Variants in PRELID2 observed in about 807,000 individuals in gnomAD.
The protein encoded by PRELID2 is PRELI domain containing 2, also known as PRELI domain-containing protein 2.
Under a neutral mutation model 28.4 loss-of-function variants are expected in PRELID2, and 25 were observed. That is an observed-to-expected ratio of 0.88 (90% confidence interval 0.64 to 1.23). The LOEUF is 1.23. Ranked by LOEUF, PRELID2 falls within the 50% of genes most tolerant of loss-of-function variation. PRELID2 has a pLI of 0.00. For synonymous variants in PRELID2, 76 were observed against 71.6 expected, an observed-to-expected ratio of 1.06 and a Z score of -0.31; for missense variants, 201 against 214.4, an observed-to-expected ratio of 0.94 and a Z score of 0.39.
intron 1 of PRELID2, among the ~76,000 whole-genome samples, chr5:145,702,228 AT>A: frequency 6.6e-6 from 1 of 152,194 alleles, no homozygotes; most frequent in African/African-American, 2.4e-5. Context: ...GAGCTAGCAA[AT>A]TTATGATCAT....
chr5:145,331,095 T>C, the PRELID2 span, among the ~76,000 whole-genome samples: 2 of 152,354 alleles, frequency 1.3e-5, no homozygotes, highest in South Asian at 2.1e-4. Context: ...TAAATGACTT[T>C]CTTAATCCTG....
chr5:145,713,095 T>C (rs1755739942), intron 1 of PRELID2, among the ~76,000 whole-genome samples: 1 of 151,480 alleles, frequency 6.6e-6, no homozygotes, highest in Non-Finnish European at 1.5e-5. Context: ...TAACTGGAGT[T>C]CCAGACAGAG....
chr5:145,370,781 C>G, the PRELID2 span, among the ~76,000 whole-genome samples: 1 of 151,848 alleles, frequency 6.6e-6, no homozygotes, highest in East Asian at 1.9e-4. Flanking sequence ...TTTGTTTCCT[C>G]TCTTATCTCC....
the PRELID2 span, among the ~76,000 whole-genome samples, chr5:145,395,797 G>A: frequency 6.6e-6 from 1 of 152,120 alleles, no homozygotes; most frequent in African/African-American, 2.4e-5. Context: ...ATGGCTTGGA[G>A]TCATGGAGCC....
chr5:145,583,400 T>G (rs1753124955), intron 1 of PRELID2, among the ~76,000 whole-genome samples: 1 of 152,152 alleles, frequency 6.6e-6, no homozygotes, highest in African/African-American at 2.4e-5. Context: ...ATGCCCTCTC[T>G]CACCATTCCT....
At chr5:145,430,606 GTC>G in the PRELID2 span, among the ~76,000 whole-genome samples, 7 of 152,080 alleles carry the variant, frequency 4.6e-5, no homozygotes, top group Non-Finnish European at 4.4e-5. Flanking sequence ...ATGGATACTT[GTC>G]CATGTCTATG....
intron 1 of PRELID2, among the ~76,000 whole-genome samples, chr5:145,683,574 G>A (rs899455055): frequency 6.6e-6 from 1 of 152,140 alleles, no homozygotes; most frequent in South Asian, 2.1e-4. Flanking sequence ...CTGTGTGCAT[G>A]CATCCCTAGT....
intron 1 of PRELID2, among the ~76,000 whole-genome samples, chr5:145,549,205 T>TTC (rs774961636): frequency 2.0e-5 from 3 of 152,182 alleles, no homozygotes; most frequent in East Asian, 3.9e-4. Flanking sequence ...AGGTGTCTGC[T>TTC]TCTCAGCTAG....
At chr5:145,690,110 C>T (rs924314215) in intron 1 of PRELID2, among the ~76,000 whole-genome samples, 4 of 151,738 alleles carry the variant, frequency 2.6e-5, no homozygotes, top group Non-Finnish European at 4.4e-5. Context: ...GTGCCTCAGC[C>T]TCTTGAGTAG....
At chr5:145,774,179 C>G (rs891192235) in intron 5 of PRELID2, among the ~76,000 whole-genome samples, 11 of 152,190 alleles carry the variant, frequency 7.2e-5, no homozygotes, top group Admixed American at 6.5e-4. Context: ...TTAACCCTCT[C>G]AATAGTCCCG....
At chr5:145,726,260 G>A (rs990629284) in intron 1 of PRELID2, among the ~76,000 whole-genome samples, 7 of 146,134 alleles carry the variant, frequency 4.8e-5, no homozygotes, top group Admixed American at 1.4e-4. Context: ...AGGGAGGGAC[G>A]GAGGGGGAAA....
At chr5:145,822,782 T>C (rs79516523) in intron 2 of PRELID2, among the ~76,000 whole-genome samples, 8,025 of 152,274 alleles carry the variant, frequency 0.053, 287 homozygotes, top group South Asian at 0.1. Flanking sequence ...TGCTCAAAAA[T>C]GTTAGCAGTT....
chr5:145,276,262 G>T, the PRELID2 span, among the ~76,000 whole-genome samples: 2 of 152,098 alleles, frequency 1.3e-5, no homozygotes, highest in Admixed American at 1.3e-4. Context: ...AAGTACCGCT[G>T]TGGTCTTAGA....
chr5:145,264,675 T>C, the PRELID2 span, among the ~76,000 whole-genome samples: 307 of 152,060 alleles, frequency 2.0e-3, 2 homozygotes, highest in Non-Finnish European at 2.8e-3. Context: ...ATAAAGGATA[T>C]AAAAATTGGT....
In PRELID2 at chr5:145,777,664, C is replaced by T. The variant is rs188538608; in HGVS notation, c.475-12664G>A. ...GCAGGAGCCCAGGGGCAGGTGGGAG[C>T]CCCGCCTGCCTGCGCGCAGCTACAG... is the stretch of plus-strand genomic sequence containing the variant. On this transcript the variant is annotated intron_variant, in intron 5 of 6. Transcript: ENST00000683046. 2.8e-4 allele frequency among the ~76,000 whole-genome samples: 43 copies of T among 152,276 alleles called. No homozygotes were observed. The East Asian group carries it at 6.0e-3, about 21-fold the overall frequency.
At chr5:145,581,829 G>A (rs1471901204) in intron 1 of PRELID2, among the ~76,000 whole-genome samples, 1 of 151,974 alleles carries the variant, frequency 6.6e-6, no homozygotes, top group Non-Finnish European at 1.5e-5. Context: ...ACATAGTGAG[G>A]GAAAACATCC....
At chr5:145,591,651 A>C (rs1753230782) in intron 1 of PRELID2, among the ~76,000 whole-genome samples, 2 of 152,140 alleles carry the variant, frequency 1.3e-5, no homozygotes, top group African/African-American at 4.8e-5. Context: ...TTTCATAAAA[A>C]AGCACAAATA....
chr5:145,386,488 G>C, the PRELID2 span, among the ~76,000 whole-genome samples: 94 of 152,094 alleles, frequency 6.2e-4, no homozygotes, highest in African/African-American at 2.1e-3. Context: ...GATCTCTCTT[G>C]CCTGCCATTA....
At chr5:145,597,743 G>T (rs78734504) in intron 1 of PRELID2, among the ~76,000 whole-genome samples, 2 of 152,198 alleles carry the variant, frequency 1.3e-5, no homozygotes, top group Admixed American at 6.5e-5. Context: ...GGTGAATCTT[G>T]TTGAAAATCC....
Sources: gnomAD v4.1 joint callset for allele counts (sites outside exome capture counted in the v4.1 genomes callset) on GRCh38, gnomAD v4.1.1 for gene constraint, MANE v1.5 for transcripts, NCBI Gene and HGNC (gene_info 2026-07-23, HGNC 2026-07-21) for gene names.